R3HDM1: variants seen among roughly 807,000 people sequenced by gnomAD.
R3HDM1 encodes the protein R3H domain-containing protein 1.
R3HDM1 carries 46 observed loss-of-function variants against 141.1 expected under a neutral mutation model. The ratio of observed to expected loss-of-function variants is 0.33; its 90% CI spans 0.26 to 0.42. The LOEUF (loss-of-function observed/expected upper bound fraction) is 0.42, where lower values mean the gene tolerates loss of function less well. Among genes scored for constraint, R3HDM1 ranks in the 10% least tolerant of loss-of-function variants. R3HDM1 has a pLI of 1.00. For synonymous variants in R3HDM1, 435 were observed against 472.9 expected, an observed-to-expected ratio of 0.92 and a Z score of 1.04; for missense variants, 1,184 against 1,368.3, an observed-to-expected ratio of 0.87 and a Z score of 2.12.
chr2:135,592,274 TAGAAGCTGCCTA>T (rs1246858093), intron 1 of R3HDM1, among the ~76,000 whole-genome samples: 1 of 152,244 alleles, frequency 6.6e-6, no homozygotes, highest in East Asian at 1.9e-4. Context: ...TCCAAGAATT[TAGAAGCTGCCTA>T]CTAAGGACAA....
intron 20 of R3HDM1, among the ~76,000 whole-genome samples, chr2:135,677,563 GT>G (rs11422432): frequency 5.9e-5 from 9 of 151,530 alleles, no homozygotes; most frequent in African/African-American, 1.2e-4. Flanking sequence ...AATTAGTATA[GT>G]TTTTTTTTAA....
At chr2:135,629,955 G>A (rs1283430858) in intron 7 of R3HDM1, among the ~76,000 whole-genome samples, 1 of 151,822 alleles carries the variant, frequency 6.6e-6, no homozygotes, top group African/African-American at 2.4e-5. Flanking sequence ...CAGAAATCCT[G>A]TTGCCTGGAT....
At chr2:135,695,486 G>A (rs2073108468) in intron 21 of R3HDM1, among the ~76,000 whole-genome samples, 1 of 152,168 alleles carries the variant, frequency 6.6e-6, no homozygotes, top group African/African-American at 2.4e-5. Flanking sequence ...GTAAGTGATG[G>A]TTGAAGTTTT....
intron 21 of R3HDM1, among the ~76,000 whole-genome samples, chr2:135,694,068 C>T (rs535315704): frequency 4.6e-5 from 7 of 152,274 alleles, no homozygotes; most frequent in Admixed American, 6.5e-5. Context: ...ATCTTCCCTA[C>T]CTACTTTTGA....
intron 1 of R3HDM1, among the ~76,000 whole-genome samples, chr2:135,533,606 C>A (rs565712266): frequency 5.9e-5 from 9 of 152,178 alleles, no homozygotes; most frequent in Non-Finnish European, 1.2e-4. Context: ...AGTGGCCGGG[C>A]GCGTTGGCGC....
At chr2:135,618,317 C>T (rs1408817212) in intron 5 of R3HDM1, among the ~76,000 whole-genome samples, 3 of 151,964 alleles carry the variant, frequency 2.0e-5, no homozygotes, top group Non-Finnish European at 2.9e-5. Flanking sequence ...CCCGCCACCA[C>T]GCCTGGCTAA....
In R3HDM1 at chr2:135,711,662, G is replaced by GA. The variant is rs34148045; in HGVS notation, c.2736+1446dup. On this transcript the variant is annotated intron_variant, in intron 23 of 26. Transcript: ENST00000683871. ...CAACAGAGGGAGACCCCAACTCTTT[G>GA]AAAAAAAAAAAAAAACCCAGGCACA... Among the ~76,000 whole-genome samples, 127 of 132,574 alleles carry GA rather than the reference G, an allele frequency of 9.6e-4. 1 individual carries two copies. Among genetic ancestry groups the GA allele is most frequent in the East Asian group, 8.5e-3 (37 of 4,352 alleles). The allele number at this position is 132,574 out of a possible 152,430, so 87.0% of individuals were successfully genotyped here.
intron 1 of R3HDM1, among the ~76,000 whole-genome samples, chr2:135,552,918 C>T (rs1376710994): frequency 6.6e-6 from 1 of 151,984 alleles, no homozygotes; most frequent in East Asian, 1.9e-4. Flanking sequence ...ACTCTGTTGC[C>T]CAGGCTGAAG....
intron 21 of R3HDM1, among the ~76,000 whole-genome samples, chr2:135,683,377 A>G (rs2070680798): frequency 6.6e-6 from 1 of 151,988 alleles, no homozygotes; most frequent in Admixed American, 6.6e-5. Flanking sequence ...AACATGTTGA[A>G]ACCCTGTCTC....
intron 1 of R3HDM1, among the ~76,000 whole-genome samples, chr2:135,595,640 C>A (rs1710476855): frequency 6.6e-6 from 1 of 152,166 alleles, no homozygotes; most frequent in Non-Finnish European, 1.5e-5. Flanking sequence ...AGTTTCACAG[C>A]ACATATTGCA....
chr2:135,689,312 A>G (rs1046298517), intron 21 of R3HDM1, among the ~76,000 whole-genome samples: 1 of 152,236 alleles, frequency 6.6e-6, no homozygotes, highest in African/African-American at 2.4e-5. Context: ...TCTGAAATCC[A>G]GTATCCTGAC....
chr2:135,590,827 C>T (rs1281177459), intron 1 of R3HDM1: 2 of 712,074 alleles, frequency 2.8e-6, no homozygotes, highest in African/African-American at 3.9e-5. Flanking sequence ...CCTGTTCTGC[C>T]TCAAGCTGTT....
rs1039646670 is a variant in R3HDM1 at position 135,647,803 on chromosome 2, G to A, written c.1624-2099G>A. Among the ~76,000 whole-genome samples the A allele has an allele frequency of 2.6e-5, 4 of 152,290 alleles. No individual in the cohort carries two copies. The South Asian group carries it at 6.2e-4, about 24-fold the overall frequency. On this transcript the variant is annotated intron_variant, in intron 16 of 26. Transcript: ENST00000683871. ...AACGTAAAACCAATTACTTTAGGTGGATGTTGTTTTGCAGCCAGTTGCAAT... is the reference window on the plus strand; with the variant it reads ...AACGTAAAACCAATTACTTTAGGTGAATGTTGTTTTGCAGCCAGTTGCAAT...
intron 1 of R3HDM1, among the ~76,000 whole-genome samples, chr2:135,583,037 G>A (rs999676373): frequency 3.3e-5 from 5 of 152,142 alleles, no homozygotes; most frequent in Non-Finnish European, 7.4e-5. Flanking sequence ...CTCTCTGTGT[G>A]TGTCTCTGTT....
intron 7 of R3HDM1, chr2:135,623,129 C>T (rs1359265131): frequency 1.2e-6 from 1 of 805,150 alleles, no homozygotes; most frequent in Non-Finnish European, 1.5e-6. Context: ...TTCCTTCTTG[C>T]TGAGTTTATA....
At chr2:135,668,704 G>T (rs1472224749) in intron 19 of R3HDM1, among the ~76,000 whole-genome samples, 1 of 152,178 alleles carries the variant, frequency 6.6e-6, no homozygotes, top group Non-Finnish European at 1.5e-5. Flanking sequence ...CCCATAAAAC[G>T]TAGCAGCTCT....
intron 14 of R3HDM1, 110 bp downstream of exon 14, chr2:135,639,232 A>G (rs963676436): frequency 1.0e-5 from 11 of 1,075,640 alleles, no homozygotes; most frequent in East Asian, 5.1e-5. Context: ...TAAAATCACT[A>G]TCAATAGTAC....
chr2:135,594,576 C>T (rs1710129854), intron 1 of R3HDM1, among the ~76,000 whole-genome samples: 1 of 152,186 alleles, frequency 6.6e-6, no homozygotes, highest in Non-Finnish European at 1.5e-5. Flanking sequence ...TCCACAAGCC[C>T]TACAGCCATC....
intron 1 of R3HDM1, chr2:135,581,343 T>C (rs1706756448): frequency 4.1e-6 from 4 of 985,190 alleles, no homozygotes; most frequent in Non-Finnish European, 4.8e-6. Context: ...CCAATTCCAT[T>C]TCCCACCTGT....
Sources: gnomAD v4.1 joint callset for allele counts (sites outside exome capture counted in the v4.1 genomes callset) on GRCh38, gnomAD v4.1.1 for gene constraint, MANE v1.5 for transcripts, NCBI Gene and HGNC (gene_info 2026-07-23, HGNC 2026-07-21) for gene names.